TMEM132D: variants seen among roughly 807,000 people sequenced by gnomAD.
TMEM132D encodes mature OL transmembrane protein.
In TMEM132D, 21 loss-of-function variants were observed where a neutral mutation model predicts 62.3. That is an observed-to-expected ratio of 0.34 (90% CI 0.24 to 0.49). The LOEUF (loss-of-function observed/expected upper bound fraction) is 0.49, where lower values mean the gene tolerates loss of function less well. Ranked by LOEUF, TMEM132D falls within the 20% of genes least tolerant of loss-of-function variation. The pLI is 0.99. For missense variants in TMEM132D, 1,346 were observed against 1,402.8 expected (o/e 0.96, Z 0.65); for synonymous variants, 621 against 575.6 (o/e 1.08, Z -1.13).
intron 2 of TMEM132D, among the ~76,000 whole-genome samples, chr12:129,682,253 A>G (rs1880796603): frequency 2.0e-5 from 3 of 152,212 alleles, no homozygotes; most frequent in African/African-American, 7.2e-5. Context: ...TTGATCATGT[A>G]CTGAAGCAAA....
intron 1 of TMEM132D, among the ~76,000 whole-genome samples, chr12:129,875,945 T>TCC (rs1220373520): frequency 6.6e-5 from 10 of 152,322 alleles, no homozygotes; most frequent in African/African-American, 2.4e-4. Context: ...ATTTCCAATT[T>TCC]AATCAACATG....
At chr12:129,586,133 C>G (rs1015321227) in intron 2 of TMEM132D, among the ~76,000 whole-genome samples, 1 of 150,384 alleles carries the variant, frequency 6.6e-6, no homozygotes, top group Non-Finnish European at 1.5e-5. Context: ...CTTCCTGCCT[C>G]CATTCACAGG....
At chr12:129,778,323 T>C (rs1871013360) in intron 1 of TMEM132D, among the ~76,000 whole-genome samples, 1 of 152,128 alleles carries the variant, frequency 6.6e-6, no homozygotes, top group Non-Finnish European at 1.5e-5. Flanking sequence ...ATTATATCAT[T>C]CCCACACCTG....
intron 2 of TMEM132D, among the ~76,000 whole-genome samples, chr12:129,696,124 A>T (rs939117836): frequency 6.6e-6 from 1 of 152,172 alleles, no homozygotes; most frequent in African/African-American, 2.4e-5. Context: ...ATAAGCTTTA[A>T]GTCTTCGGCA....
chr12:129,790,105 G>A (rs1378855245), intron 1 of TMEM132D, among the ~76,000 whole-genome samples: 1 of 152,168 alleles, frequency 6.6e-6, no homozygotes, highest in Non-Finnish European at 1.5e-5. Context: ...TTTGCAGGAG[G>A]GGGAGCGCAG....
chr12:129,450,734 A>G (rs1873247956), intron 3 of TMEM132D, among the ~76,000 whole-genome samples: 1 of 150,172 alleles, frequency 6.7e-6, no homozygotes, highest in African/African-American at 2.4e-5. Flanking sequence ...TCAGCAACCA[A>G]AAGTTTCCAT....
chr12:129,557,018 C>A (rs1877081706), intron 2 of TMEM132D, among the ~76,000 whole-genome samples: 1 of 152,136 alleles, frequency 6.6e-6, no homozygotes. Flanking sequence ...ACTGTTATAT[C>A]CTTCTTTTAA....
intron 5 of TMEM132D, among the ~76,000 whole-genome samples, chr12:129,131,055 C>T (rs893532307): frequency 2.0e-5 from 3 of 152,172 alleles, no homozygotes; most frequent in African/African-American, 7.2e-5. Context: ...GCGACCCAAA[C>T]ACTCATTTGG....
chr12:129,558,626 A>G (rs1024161539), intron 2 of TMEM132D, among the ~76,000 whole-genome samples: 4 of 152,158 alleles, frequency 2.6e-5, no homozygotes, highest in Non-Finnish European at 4.4e-5. Context: ...CCAGGACCAC[A>G]CGGGAAAAGG....
chr12:129,201,811 A>C (rs1878711139), intron 5 of TMEM132D, among the ~76,000 whole-genome samples: 1 of 152,090 alleles, frequency 6.6e-6, no homozygotes, highest in Admixed American at 6.5e-5. Flanking sequence ...AGAGGAAGAG[A>C]GGGGATGTTC....
chr12:129,325,834 T>C (rs1316224407), intron 4 of TMEM132D, among the ~76,000 whole-genome samples: 1 of 152,178 alleles, frequency 6.6e-6, no homozygotes, highest in Non-Finnish European at 1.5e-5. Context: ...CTTCAACCCT[T>C]ATATGAGTTT....
chr12:129,734,513 A>G (rs937541380), intron 1 of TMEM132D, among the ~76,000 whole-genome samples: 4 of 152,196 alleles, frequency 2.6e-5, no homozygotes, highest in African/African-American at 9.7e-5. Context: ...TTCTATTACT[A>G]TAGAACTATG....
intron 5 of TMEM132D, among the ~76,000 whole-genome samples, chr12:129,199,931 C>T (rs1878655440): frequency 6.6e-6 from 1 of 152,156 alleles, no homozygotes; most frequent in South Asian, 2.1e-4. Flanking sequence ...CAAACCATAT[C>T]AACTCCTAAT....
intron 3 of TMEM132D, among the ~76,000 whole-genome samples, chr12:129,434,876 A>C (rs1414016901): frequency 1.3e-5 from 2 of 152,080 alleles, no homozygotes; most frequent in Non-Finnish European, 2.9e-5. Context: ...ATTGTTAACT[A>C]TATCACCCTA....
intron 5 of TMEM132D, among the ~76,000 whole-genome samples, chr12:129,115,381 C>T (rs1875863289): frequency 6.6e-6 from 1 of 152,048 alleles, no homozygotes; most frequent in East Asian, 1.9e-4. Flanking sequence ...TATCAAGACC[C>T]CAGGATGTGA....
intron 1 of TMEM132D, among the ~76,000 whole-genome samples, chr12:129,885,038 T>C (rs940029406): frequency 5.3e-5 from 8 of 152,168 alleles, no homozygotes; most frequent in African/African-American, 1.7e-4. Context: ...CTACATAGTG[T>C]ATGACAGTTT....
intron 5 of TMEM132D, among the ~76,000 whole-genome samples, chr12:129,182,661 TTA>T (rs1317592489): frequency 6.6e-6 from 1 of 152,210 alleles, no homozygotes; most frequent in Non-Finnish European, 1.5e-5. Context: ...GTCTATGGAT[TTA>T]AATGTTAATC....
intron 1 of TMEM132D, among the ~76,000 whole-genome samples, chr12:129,730,103 A>G (rs112370658): frequency 6.1e-4 from 93 of 152,304 alleles, no homozygotes; most frequent in Non-Finnish European, 1.1e-3. Context: ...TGTTGCTCAC[A>G]CTAAGCCTGT....
chr12:129,258,930 G>T (rs930354279), intron 4 of TMEM132D, among the ~76,000 whole-genome samples: 1 of 152,178 alleles, frequency 6.6e-6, no homozygotes, highest in Non-Finnish European at 1.5e-5. Context: ...GGGGATTTGG[G>T]TGTGCATGAG....
Sources: allele counts gnomAD v4.1 joint callset (sites outside exome capture counted in the v4.1 genomes callset), GRCh38; gene constraint gnomAD v4.1.1; transcripts MANE v1.5; gene names NCBI Gene and HGNC (gene_info 2026-07-23, HGNC 2026-07-21).